Variants in RAPGEF4 observed in about 807,000 individuals in gnomAD.
RAPGEF4 encodes the protein RAP guanine-nucleotide-exchange factor (GEF) 4.
Under a neutral mutation model 147.9 loss-of-function variants are expected in RAPGEF4, and 66 were observed. The observed-to-expected ratio is 0.45, with a 90% CI of 0.37 to 0.55. The LOEUF (loss-of-function observed/expected upper bound fraction) is 0.55, where lower values mean the gene tolerates loss of function less well. Among genes scored for constraint, RAPGEF4 ranks in the 20% least tolerant of loss-of-function variants. RAPGEF4 has a pLI of 0.00. For missense variants in RAPGEF4, 1,071 were observed against 1,257.3 expected (o/e 0.85, Z 2.24); for synonymous variants, 419 against 442.7 (o/e 0.95, Z 0.67).
Position 172,736,055 on chromosome 2 carries a change from C to CT in RAPGEF4, c.65+7_65+8insT. The CT allele has an allele frequency of 6.8e-7, 1 of 1,468,362 alleles. No individual in the cohort carries two copies. 91.0% of individuals were successfully genotyped at this position (1,468,362 alleles called of 1,614,324 possible). ...TCGCCTGCCTGGATAAAAGGTAGCT[C>CT]GCCGGGGGCCGCAGCCGGGGGCCGA... On this transcript the variant is annotated splice_region_variant and intron_variant, in intron 1 of 30. Coordinates refer to ENST00000397081, the MANE Select transcript of RAPGEF4 (RefSeq NM_007023.4).
At chr2:172,849,348 C>A (rs1692565922) in intron 4 of RAPGEF4, among the ~76,000 whole-genome samples, 1 of 152,090 alleles carries the variant, frequency 6.6e-6, no homozygotes, top group South Asian at 2.1e-4. Flanking sequence ...TAATAAGAGC[C>A]CTTTATTAGT....
intron 23 of RAPGEF4, among the ~76,000 whole-genome samples, chr2:173,021,692 G>C (rs1335125756): frequency 6.6e-6 from 1 of 152,210 alleles, no homozygotes; most frequent in Non-Finnish European, 1.5e-5. Context: ...TAGGTTTCAA[G>C]TTTGATCAGA....
At chr2:172,981,177 C>T (rs114984984) in intron 10 of RAPGEF4, among the ~76,000 whole-genome samples, 2,479 of 152,272 alleles carry the variant, frequency 0.016, 72 homozygotes, top group African/African-American at 0.056. Flanking sequence ...TTGGTGACTG[C>T]TTTCTCTTTT....
At position 173,036,584 on chromosome 2, in the gene RAPGEF4, A is replaced by G. The variant is rs1443899297; in HGVS notation, c.2789-44A>G. On this transcript the variant is annotated intron_variant, in intron 28 of 30. Coordinates refer to ENST00000397081, the MANE Select transcript of RAPGEF4 (RefSeq NM_007023.4). ...TGCTATTGTGCTTTCTTAGTATGAC[A>G]TATTTCCATTAGTGATTAGAATGTG... 7.0e-6 allele frequency: 10 copies of G among 1,433,886 alleles called. No individual in the cohort carries two copies. The Middle Eastern group carries it at 5.3e-4, about 76-fold the overall frequency. The allele number at this position is 1,433,886 out of a possible 1,614,324, so 88.8% of individuals were successfully genotyped here. A position where few individuals can be genotyped will look rare whatever the true frequency, so the allele number is the denominator to read the frequency against.
At chr2:172,919,701 G>T (rs1417863869) in intron 5 of RAPGEF4, among the ~76,000 whole-genome samples, 3 of 152,044 alleles carry the variant, frequency 2.0e-5, no homozygotes, top group Non-Finnish European at 1.5e-5. Flanking sequence ...GTGACCTCAG[G>T]TTCTTTTTCT....
At chr2:173,019,111 A>C (rs182959482) in intron 22 of RAPGEF4, among the ~76,000 whole-genome samples, 2 of 152,304 alleles carry the variant, frequency 1.3e-5, no homozygotes, top group East Asian at 1.9e-4. Flanking sequence ...AGCCCTGAAA[A>C]ATATGGGCCC....
At chr2:173,051,279 G>A (rs1402235939) in intron 30 of RAPGEF4, among the ~76,000 whole-genome samples, 1 of 152,170 alleles carries the variant, frequency 6.6e-6, no homozygotes, top group East Asian at 1.9e-4. Flanking sequence ...CTGGATCAAA[G>A]GAGGCAGAGA....
intron 4 of RAPGEF4, among the ~76,000 whole-genome samples, chr2:172,863,964 A>G (rs1694330841): frequency 6.6e-6 from 1 of 152,250 alleles, no homozygotes; most frequent in Non-Finnish European, 1.5e-5. Flanking sequence ...GCATAATAGA[A>G]GCAATAATCA....
At chr2:172,735,797 C>T, upstream of RAPGEF4, 1 of 271,322 alleles carries the variant, frequency 3.7e-6, no homozygotes, top group Non-Finnish European at 6.4e-6. Context: ...CCCCCGGGTC[C>T]CCTCCCTCTC....
At chr2:173,011,114 T>G (rs3820842) in intron 17 of RAPGEF4, among the ~76,000 whole-genome samples, 1 of 150,582 alleles carries the variant, frequency 6.6e-6, no homozygotes, top group Non-Finnish European at 1.5e-5. Context: ...TGCTCAGCCC[T>G]GGTGACTAAA....
chr2:172,818,873 C>T (rs539064730), intron 4 of RAPGEF4, among the ~76,000 whole-genome samples: 59 of 152,246 alleles, frequency 3.9e-4, no homozygotes, highest in Middle Eastern at 3.4e-3. Flanking sequence ...GAGAACCACA[C>T]GTAAGGTTTT....
At chr2:172,934,743 TAA>T (rs11361687) in intron 6 of RAPGEF4, among the ~76,000 whole-genome samples, 525 of 145,686 alleles carry the variant, frequency 3.6e-3, no homozygotes, top group Non-Finnish European at 3.6e-3. Context: ...ATGGTTGCAG[TAA>T]AAAAAAAAAA....
chr2:172,849,079 T>C (rs550812059), intron 4 of RAPGEF4, among the ~76,000 whole-genome samples: 4 of 152,110 alleles, frequency 2.6e-5, no homozygotes, highest in African/African-American at 7.2e-5. Context: ...CTTTTCTTTT[T>C]TTTTTTTTTA....
At chr2:172,878,856 G>A (rs182309416) in intron 4 of RAPGEF4, among the ~76,000 whole-genome samples, 81 of 152,300 alleles carry the variant, frequency 5.3e-4, no homozygotes, top group African/African-American at 1.8e-3. Flanking sequence ...GAGACAATTA[G>A]ATATGCTTTT....
At chr2:172,865,924 C>G (rs17706647) in intron 4 of RAPGEF4, among the ~76,000 whole-genome samples, 30,065 of 151,968 alleles carry the variant, frequency 0.2, 3,628 homozygotes, top group Middle Eastern at 0.3. Flanking sequence ...CATTTCTAGT[C>G]CCTCAGGTTA....
intron 8 of RAPGEF4, among the ~76,000 whole-genome samples, chr2:172,961,908 C>T (rs926768910): frequency 2.6e-5 from 4 of 152,150 alleles, no homozygotes; most frequent in Admixed American, 6.5e-5. Context: ...AGGATTCCAT[C>T]GTAGCATGCA....
intron 4 of RAPGEF4, among the ~76,000 whole-genome samples, chr2:172,902,904 A>G (rs1318912222): frequency 6.6e-6 from 1 of 152,212 alleles, no homozygotes; most frequent in Admixed American, 6.5e-5. Flanking sequence ...GATTCCTACT[A>G]CATATATGCA....
chr2:172,916,059 A>G (rs1192788733), intron 4 of RAPGEF4, among the ~76,000 whole-genome samples: 1 of 151,968 alleles, frequency 6.6e-6, no homozygotes, highest in Non-Finnish European at 1.5e-5. Flanking sequence ...CAGCCCACAC[A>G]CTCCTGCCCA....
intron 15 of RAPGEF4, among the ~76,000 whole-genome samples, chr2:172,993,228 C>T (rs1693005169): frequency 6.6e-6 from 1 of 152,094 alleles, no homozygotes; most frequent in African/African-American, 2.4e-5. Context: ...CAATATTTGC[C>T]ATGAAGGATA....
Sources: allele counts gnomAD v4.1 joint callset (sites outside exome capture counted in the v4.1 genomes callset), GRCh38; gene constraint gnomAD v4.1.1; transcripts MANE v1.5; gene names NCBI Gene and HGNC (gene_info 2026-07-23, HGNC 2026-07-21).